SLC25A24: variants seen among roughly 807,000 people sequenced by gnomAD.
SLC25A24 encodes the protein solute carrier family 25 member 24.
In SLC25A24, 49 loss-of-function variants were observed where a neutral mutation model predicts 60.7. The ratio of observed to expected loss-of-function variants is 0.81; its 90% CI spans 0.64 to 1.02. The LOEUF (loss-of-function observed/expected upper bound fraction) is 1.02, where lower values mean the gene tolerates loss of function less well. SLC25A24 is among the 50% of genes least tolerant of loss of function. SLC25A24 has a pLI of 0.00. For synonymous variants in SLC25A24, 202 were observed against 200.6 expected, an observed-to-expected ratio of 1.01 and a Z score of -0.06; for missense variants, 564 against 586.3, an observed-to-expected ratio of 0.96 and a Z score of 0.39.
At chr1:108,154,351 A>G (rs926972415) in intron 6 of SLC25A24, among the ~76,000 whole-genome samples, 2 of 152,336 alleles carry the variant, frequency 1.3e-5, no homozygotes, top group South Asian at 2.1e-4. Context: ...CCCAAACTCT[A>G]AAACTTACCT....
intron 1 of SLC25A24, among the ~76,000 whole-genome samples, chr1:108,187,922 T>TTTTATATATATATATATA (rs1553256761): frequency 2.0e-5 from 1 of 51,044 alleles, no homozygotes; most frequent in Non-Finnish European, 3.9e-5. Context: ...GGATAAGACA[T>TTTTATATATATATATATA]TATAGATATA....
chr1:108,151,069 T>C (rs1679741880), intron 6 of SLC25A24, among the ~76,000 whole-genome samples: 1 of 151,926 alleles, frequency 6.6e-6, no homozygotes, highest in African/African-American at 2.4e-5. Context: ...GGTGTTGTGG[T>C]GCACTCCTGT....
chr1:108,143,542 C>A lies in SLC25A24; in HGVS notation c.1098+1G>T, dbSNP rs778623227. On this transcript the variant is annotated splice_donor_variant, in intron 8 of 9. Transcript: ENST00000565488. LOFTEE classifies it high-confidence loss of function. ...AATTCAAAAGATTTCTACAAACTCA[C>A]CTCATACACAGCAAGATCTATGCCT... 8.7e-6 allele frequency: 14 copies of A among 1,607,800 alleles called. No homozygotes were observed. Among genetic ancestry groups the A allele is most frequent in the African/African-American group, 1.3e-5 (1 of 74,572 alleles).
intron 6 of SLC25A24, among the ~76,000 whole-genome samples, chr1:108,152,067 T>C (rs1679770335): frequency 6.6e-6 from 1 of 152,166 alleles, no homozygotes; most frequent in South Asian, 2.1e-4. Context: ...CCCCCAACAA[T>C]GTCTCCACTC....
rs191853419 is a variant in SLC25A24, at chr1:108,199,625, C to A, written c.183+331G>T. 445 of 458,510 alleles carry A rather than the reference C, an allele frequency of 9.7e-4. 1 individual carries two copies. The highest frequency in any genetic ancestry group is 2.7e-3 in the South Asian group (54 of 19,710). 28.4% of individuals were successfully genotyped at this position (458,510 alleles called of 1,614,324 possible). ...ACAGCTAAAACGGATTACATGTCTG[C>A]AAGGTATTAAAACAGAAAACAAAGA... On this transcript the variant is annotated intron_variant, in intron 1 of 9. Coordinates refer to ENST00000565488, the MANE Select transcript of SLC25A24 (RefSeq NM_013386.5).
At chr1:108,182,695 T>C (rs1647973552) in intron 2 of SLC25A24, among the ~76,000 whole-genome samples, 1 of 152,018 alleles carries the variant, frequency 6.6e-6, no homozygotes, top group African/African-American at 2.4e-5. Context: ...CAGCCAGGCA[T>C]GGTGGCAGGT....
intron 3 of SLC25A24, among the ~76,000 whole-genome samples, chr1:108,178,187 C>CAACAAATA (rs1647764524): frequency 6.6e-6 from 1 of 151,612 alleles, no homozygotes; most frequent in Non-Finnish European, 1.5e-5. Context: ...ACAACAACAA[C>CAACAAATA]AAATAAAATA....
intron 3 of SLC25A24, among the ~76,000 whole-genome samples, chr1:108,167,382 C>T (rs1327518437): frequency 1.3e-4 from 20 of 152,038 alleles, no homozygotes; most frequent in Non-Finnish European, 2.2e-4. Context: ...GGGTGCCCCT[C>T]CCCCAGCCTC....
In SLC25A24 at chr1:108,192,836, G is replaced by A. The variant is rs1441593504; in HGVS notation, c.184-6882C>T. The stretch of plus-strand genomic sequence containing the variant: ...ACGGCTTCAGCGCAAAGGCGCGAGC[G>A]CGCAGGACCCGGGACCTGCGTGGGA... On this transcript the variant is annotated intron_variant, in intron 1 of 9. Coordinates refer to ENST00000565488, the MANE Select transcript of SLC25A24 (RefSeq NM_013386.5). The A allele has an allele frequency of 6.9e-6, 8 of 1,152,728 alleles. 1 individual carries two copies. The highest frequency in any genetic ancestry group is 8.8e-6 in the Non-Finnish European group (8 of 911,898). The allele number at this position is 1,152,728 out of a possible 1,614,324, so 71.4% of individuals were successfully genotyped here.
chr1:108,195,499 T>C (rs1648467395), intron 1 of SLC25A24, among the ~76,000 whole-genome samples: 1 of 152,198 alleles, frequency 6.6e-6, no homozygotes, highest in Admixed American at 6.6e-5. Flanking sequence ...AAGGATAACA[T>C]CAAATTTAGA....
intron 3 of SLC25A24, among the ~76,000 whole-genome samples, chr1:108,177,613 T>A (rs1361053780): frequency 2.0e-5 from 3 of 152,110 alleles, no homozygotes; most frequent in East Asian, 1.9e-4. Flanking sequence ...CAGGAGTAAC[T>A]TTACTTGTAT....
At chr1:108,186,755 T>C (rs1310401247) in intron 1 of SLC25A24, among the ~76,000 whole-genome samples, 2 of 152,080 alleles carry the variant, frequency 1.3e-5, no homozygotes, top group Non-Finnish European at 2.9e-5. Flanking sequence ...AATTCTACTG[T>C]TCTCATGGTC....
intron 2 of SLC25A24, among the ~76,000 whole-genome samples, chr1:108,183,789 C>G (rs1210176644): frequency 1.3e-5 from 2 of 152,078 alleles, no homozygotes; most frequent in Non-Finnish European, 2.9e-5. Flanking sequence ...GGGATACTTG[C>G]TAGTTAATAG....
chr1:108,158,092 A>G (rs1291030929), intron 4 of SLC25A24, among the ~76,000 whole-genome samples: 1 of 152,194 alleles, frequency 6.6e-6, no homozygotes, highest in Non-Finnish European at 1.5e-5. Context: ...ATATGTTTTA[A>G]ATATGTAAAT....
chr1:108,162,679 A>G (rs1448673459), intron 3 of SLC25A24, among the ~76,000 whole-genome samples: 1 of 151,962 alleles, frequency 6.6e-6, no homozygotes, highest in Non-Finnish European at 1.5e-5. Flanking sequence ...AGTTCATTGT[A>G]GATTCTGGAT....
At chr1:108,180,089 T>TC (rs1647858876) in intron 3 of SLC25A24, among the ~76,000 whole-genome samples, 2 of 151,956 alleles carry the variant, frequency 1.3e-5, no homozygotes, top group African/African-American at 4.8e-5. Context: ...GCTGGCTAGG[T>TC]GCGGTGGCTC....
chr1:108,141,687 C>CA (rs1248832688), intron 8 of SLC25A24, among the ~76,000 whole-genome samples: 15 of 151,934 alleles, frequency 9.9e-5, no homozygotes, highest in African/African-American at 3.6e-4. Flanking sequence ...GCCTTAAAAA[C>CA]AAAAAAGTCC....
intron 1 of SLC25A24, among the ~76,000 whole-genome samples, chr1:108,189,863 ATTAAAAAATAT>A (rs1648284661): frequency 7.6e-6 from 1 of 132,350 alleles, no homozygotes; most frequent in South Asian, 2.2e-4. Flanking sequence ...GTAAAAAAAA[ATTAAAAAATAT>A]ATATATATAT....
chr1:108,181,452 T>G (rs1287761332), intron 3 of SLC25A24, among the ~76,000 whole-genome samples: 1 of 152,220 alleles, frequency 6.6e-6, no homozygotes, highest in Non-Finnish European at 1.5e-5. Flanking sequence ...TCAAACTGAT[T>G]GCCCCAGACA....
Sources: gnomAD v4.1 joint callset for allele counts (sites outside exome capture counted in the v4.1 genomes callset) on GRCh38, gnomAD v4.1.1 for gene constraint, MANE v1.5 for transcripts, NCBI Gene and HGNC (gene_info 2026-07-23, HGNC 2026-07-21) for gene names.